The following GRIK4 variants were observed in gnomAD, a reference collection of about 807,000 sequenced individuals.
GRIK4 encodes glutamate receptor ionotropic, kainate 4.
GRIK4 carries 40 observed loss-of-function variants against 104.9 expected under a neutral mutation model. The ratio of observed to expected loss-of-function variants is 0.38; its 90% CI spans 0.30 to 0.50. The LOEUF is 0.50. GRIK4 is among the 20% of genes least tolerant of loss of function. The pLI, the probability that GRIK4 is intolerant of heterozygous loss-of-function variation, is 0.93. For synonymous variants in GRIK4, 485 were observed against 524.9 expected (o/e 0.92, Z 1.04); for missense variants, 1,047 against 1,308.1 (o/e 0.80, Z 3.08).
chr11:120,733,825 C>T, intron 3 of GRIK4, among the ~76,000 whole-genome samples: 1 of 151,756 alleles, frequency 6.6e-6, no homozygotes, highest in Non-Finnish European at 1.5e-5. Flanking sequence ...GCAACCTCCA[C>T]CTCCCGGGTT....
intron 8 of GRIK4, among the ~76,000 whole-genome samples, chr11:120,849,521 G>T (rs949575172): frequency 1.3e-5 from 2 of 152,158 alleles, no homozygotes; most frequent in Non-Finnish European, 2.9e-5. Context: ...CCCAAAGCTG[G>T]TATTCTCACA....
intron 13 of GRIK4, among the ~76,000 whole-genome samples, chr11:120,906,345 G>A (rs956073367): frequency 2.6e-5 from 4 of 152,206 alleles, no homozygotes; most frequent in Non-Finnish European, 5.9e-5. Context: ...TTTCCCCTCT[G>A]GGCTTTCAAT....
At chr11:120,522,747 C>T (rs1314625540) in intron 1 of GRIK4, among the ~76,000 whole-genome samples, 1 of 152,200 alleles carries the variant, frequency 6.6e-6, no homozygotes, top group African/African-American at 2.4e-5. Context: ...AAGACCCTTC[C>T]CCAAACTGAA....
intron 1 of GRIK4, among the ~76,000 whole-genome samples, chr11:120,635,464 A>G (rs1254691292): frequency 1.3e-5 from 2 of 152,188 alleles, no homozygotes; most frequent in Non-Finnish European, 2.9e-5. Context: ...GCCCCACCCC[A>G]TAGCTCTCCT....
intron 1 of GRIK4, among the ~76,000 whole-genome samples, chr11:120,527,730 C>T (rs1947873220): frequency 6.6e-6 from 1 of 152,202 alleles, no homozygotes; most frequent in Admixed American, 6.5e-5. Flanking sequence ...ATTGTGCTTG[C>T]ATTTATATGC....
chr11:120,601,172 GA>G (rs1948881136), intron 1 of GRIK4, among the ~76,000 whole-genome samples: 6 of 152,108 alleles, frequency 3.9e-5, no homozygotes, highest in Admixed American at 6.6e-5. Context: ...TTGGGAGGCC[GA>G]GGCAGGTAGA....
chr11:120,895,467 A>G (rs1039182682), intron 11 of GRIK4, among the ~76,000 whole-genome samples: 14 of 152,180 alleles, frequency 9.2e-5, no homozygotes, highest in African/African-American at 3.4e-4. Flanking sequence ...TTTGAGGACA[A>G]TAATTTCACC....
intron 3 of GRIK4, among the ~76,000 whole-genome samples, chr11:120,720,838 T>C (rs11217990): frequency 0.27 from 41,584 of 151,624 alleles, 5,826 homozygotes; most frequent in South Asian, 0.35. Flanking sequence ...TCTGTCTCAG[T>C]GTGTGATGGA....
chr11:120,867,108 G>T (rs553091115), intron 9 of GRIK4, among the ~76,000 whole-genome samples: 1 of 152,178 alleles, frequency 6.6e-6, no homozygotes, highest in East Asian at 1.9e-4. Flanking sequence ...GAACCTTCCA[G>T]CTACTGTCTC....
intron 2 of GRIK4, among the ~76,000 whole-genome samples, chr11:120,659,740 G>T (rs997046126): frequency 2.0e-5 from 3 of 152,176 alleles, no homozygotes; most frequent in Admixed American, 6.5e-5. Context: ...TGAGGGTTTT[G>T]TTTGTTTGAG....
At chr11:120,916,126 C>T (rs1592076423) in intron 13 of GRIK4, among the ~76,000 whole-genome samples, 1 of 152,188 alleles carries the variant, frequency 6.6e-6, no homozygotes, top group East Asian at 1.9e-4. Flanking sequence ...TTGACAGGGA[C>T]ATTTGGCTGA....
chr11:120,967,601 T>C lies in GRIK4; in HGVS notation c.2395+278T>C, dbSNP rs765718555. 6.6e-6 allele frequency among the ~76,000 whole-genome samples: 1 copy of C among 152,200 alleles called. No homozygotes were observed. Among genetic ancestry groups the C allele is most frequent in the African/African-American group, 2.4e-5 (1 of 41,454 alleles). ...CTCTGACCCCTAGCACCATGGCTTC[T>C]ACCCTGGCCCATCATCTCCACACCT... is the stretch of plus-strand genomic sequence containing the variant. On this transcript the variant is annotated intron_variant, in intron 19 of 20. Coordinates refer to ENST00000527524, the MANE Select transcript of GRIK4 (RefSeq NM_014619.5). This position sits in a 1 kb window ranked among gnomAD's most constrained non-coding sequence, Gnocchi z 4.2.
intron 3 of GRIK4, among the ~76,000 whole-genome samples, chr11:120,800,780 G>GC (rs1565360422): frequency 1.3e-5 from 2 of 152,238 alleles, no homozygotes; most frequent in African/African-American, 4.8e-5. Context: ...TGAGTGTGGA[G>GC]CAATGCACAG....
At chr11:120,523,784 C>T (rs536908682) in intron 1 of GRIK4, among the ~76,000 whole-genome samples, 1 of 152,258 alleles carries the variant, frequency 6.6e-6, no homozygotes, top group East Asian at 1.9e-4. Flanking sequence ...ACCTGAGCAG[C>T]CCAGCTGGGA....
At position 120,767,993 on chromosome 11, in the gene GRIK4, T is replaced by C. The variant is rs922562187; in HGVS notation, c.83-34700T>C. Among the ~76,000 whole-genome samples the C allele has an allele frequency of 3.9e-5, 6 of 152,212 alleles. No homozygotes were observed. The East Asian group carries it at 1.2e-3, about 29-fold the overall frequency. On this transcript the variant is annotated intron_variant, in intron 3 of 20. Transcript: ENST00000527524. ...AGTCAGGAAGTGTGATGCTTCCAAC[T>C]TTCTTTTTCTTTCTCAGTACTGCTT... is the stretch of plus-strand genomic sequence containing the variant.
intron 3 of GRIK4, among the ~76,000 whole-genome samples, chr11:120,703,261 G>T (rs1292450922): frequency 6.6e-6 from 1 of 152,152 alleles, no homozygotes; most frequent in Non-Finnish European, 1.5e-5. Flanking sequence ...ATTCTAAGTG[G>T]TCATATTTAC....
intron 11 of GRIK4, among the ~76,000 whole-genome samples, chr11:120,879,973 C>A (rs1239765898): frequency 3.3e-5 from 5 of 152,168 alleles, no homozygotes. Flanking sequence ...TTCTGAGCAG[C>A]CCCCAAGCAA....
chr11:120,900,073 G>A (rs2156636), intron 12 of GRIK4, among the ~76,000 whole-genome samples: 43,406 of 151,848 alleles, frequency 0.29, 8,792 homozygotes, highest in African/African-American at 0.56. Context: ...ACCTAGGACT[G>A]TGGGGTTTCA....
intron 12 of GRIK4, among the ~76,000 whole-genome samples, chr11:120,899,375 C>T (rs771533633): frequency 8.4e-5 from 12 of 143,136 alleles, no homozygotes; most frequent in Non-Finnish European, 1.3e-4. Context: ...GAGCCGAGAT[C>T]GTGCCACTGC....
Sources: allele counts gnomAD v4.1 joint callset (sites outside exome capture counted in the v4.1 genomes callset), GRCh38; gene constraint gnomAD v4.1.1; non-coding constraint Gnocchi (gnomAD v3.1); transcripts MANE v1.5; gene names NCBI Gene and HGNC (gene_info 2026-07-23, HGNC 2026-07-21).